HELZ: variants seen among roughly 807,000 people sequenced by gnomAD.
The protein encoded by HELZ is ATP-dependent RNA helicase with zinc finger domain.
A neutral mutation model predicts 218.2 loss-of-function variants in HELZ; 23 were observed. The observed-to-expected ratio is 0.11, with a 90% CI of 0.08 to 0.15. The LOEUF (loss-of-function observed/expected upper bound fraction) is 0.15, where lower values mean the gene tolerates loss of function less well. Ranked by LOEUF, HELZ falls within the 10% of genes least tolerant of loss-of-function variation. HELZ has a pLI of 1.00. For synonymous variants in HELZ, 814 were observed against 829.4 expected, an observed-to-expected ratio of 0.98 and a Z score of 0.32; for missense variants, 1,813 against 2,353.7, an observed-to-expected ratio of 0.77 and a Z score of 4.75.
Position 67,237,573 on chromosome 17 carries a change from T to TA in HELZ, c.-19+1859dup, listed in dbSNP as rs534289618. 4.6e-4 allele frequency among the ~76,000 whole-genome samples: 70 copies of TA among 152,238 alleles called. 2 individuals are homozygous for TA. The South Asian group carries it at 0.014, about 31-fold the overall frequency. On this transcript the variant is annotated intron_variant, in intron 3 of 32. Transcript: ENST00000358691. ...GCAAAATGTAGATAGATTTTTTTTTTAACTACAAAAAACACAAAGCTAAAA... is the reference window on the plus strand; with the variant it reads ...GCAAAATGTAGATAGATTTTTTTTTTAAACTACAAAAAACACAAAGCTAAAA...
At chr17:67,205,741 G>T (rs1598420492) in intron 5 of HELZ, among the ~76,000 whole-genome samples, 1 of 152,272 alleles carries the variant, frequency 6.6e-6, no homozygotes, top group East Asian at 1.9e-4. Context: ...TAGATCTTTG[G>T]TTTTGTATGA....
intron 21 of HELZ, among the ~76,000 whole-genome samples, chr17:67,144,413 T>C: frequency 6.6e-6 from 1 of 151,606 alleles, no homozygotes; most frequent in South Asian, 2.1e-4. Context: ...TAAAGTTACA[T>C]GTTTAATATT....
intron 32 of HELZ, 66 bp from the exon 33 acceptor site, chr17:67,078,652 C>T: frequency 8.6e-7 from 1 of 1,162,738 alleles, no homozygotes; most frequent in Admixed American, 2.7e-5. Flanking sequence ...GCCTCATTCA[C>T]TCAGTGTGTC....
chr17:67,200,147 T>C (rs966293916), intron 7 of HELZ, among the ~76,000 whole-genome samples: 3 of 152,178 alleles, frequency 2.0e-5, no homozygotes, highest in Non-Finnish European at 4.4e-5. Flanking sequence ...ATAAGCCAAT[T>C]AATCACTGTA....
At chr17:67,244,823 T>A in intron 1 of HELZ, 12 of 985,374 alleles carry the variant, frequency 1.2e-5, no homozygotes, top group Non-Finnish European at 1.4e-5. Flanking sequence ...CCCAGAGTGC[T>A]CTGGGCCGGA....
At chr17:67,245,239 C>A, upstream of HELZ, 1 of 983,066 alleles carries the variant, frequency 1.0e-6, no homozygotes, top group South Asian at 4.6e-5. Context: ...TGACTCCCCC[C>A]GGCCCCCGAC....
chr17:67,099,769 T>C (rs2036866124), intron 31 of HELZ, among the ~76,000 whole-genome samples: 1 of 152,220 alleles, frequency 6.6e-6, no homozygotes, highest in South Asian at 2.1e-4. Context: ...ACTTAATTAA[T>C]AAGGGCTCTA....
chr17:67,082,228 T>C (rs2036216132), intron 32 of HELZ, among the ~76,000 whole-genome samples: 1 of 152,232 alleles, frequency 6.6e-6, no homozygotes, highest in South Asian at 2.1e-4. Context: ...AATCATCAAA[T>C]AGAATGAACT....
At chr17:67,180,399 A>G (rs912616517) in intron 12 of HELZ, among the ~76,000 whole-genome samples, 1 of 152,080 alleles carries the variant, frequency 6.6e-6, no homozygotes, top group African/African-American at 2.4e-5. Context: ...TTTTTGCAAT[A>G]GCCTCACAAG....
At chr17:67,139,434 T>G (rs1325944329) in intron 21 of HELZ, among the ~76,000 whole-genome samples, 1 of 152,144 alleles carries the variant, frequency 6.6e-6, no homozygotes, top group African/African-American at 2.4e-5. Context: ...GGGAGACACC[T>G]CTGCTGCGCC....
intron 13 of HELZ, among the ~76,000 whole-genome samples, chr17:67,174,256 T>C (rs984273035): frequency 6.6e-6 from 1 of 151,932 alleles, no homozygotes; most frequent in Admixed American, 6.6e-5. Context: ...AAATGTATTT[T>C]ATCTAATCTT....
chr17:67,128,525 A>G lies in HELZ; in HGVS notation c.3387+126T>C, dbSNP rs751143693. On this transcript the variant is annotated intron_variant, in intron 24 of 32. Transcript: ENST00000358691. ...CACACTAAACAAGCTCCTTGCAGAA[A>G]CCGCTTGCCGCCAAATGTAACCTTC... The G allele has an allele frequency of 6.6e-5, 53 of 808,872 alleles. No individual in the cohort carries two copies. In the East Asian group the frequency reaches 1.3e-3, roughly 20 times the overall value. The allele number at this position is 808,872 out of a possible 1,614,324, so 50.1% of individuals were successfully genotyped here. A position where few individuals can be genotyped will look rare whatever the true frequency, so the allele number is the denominator to read the frequency against.
chr17:67,119,536 G>C (rs2037533055), intron 27 of HELZ, among the ~76,000 whole-genome samples: 1 of 152,120 alleles, frequency 6.6e-6, no homozygotes, highest in Non-Finnish European at 1.5e-5. Context: ...CTTGTATCTT[G>C]ATTTTGGTGG....
chr17:67,120,346 T>C, intron 27 of HELZ, 59 bp downstream of exon 27: 1 of 1,368,240 alleles, frequency 7.3e-7, no homozygotes, highest in Non-Finnish European at 1.0e-6. Flanking sequence ...ACTTTCTATG[T>C]GGCTAAAACT....
chr17:67,169,769 C>T (rs997019013), intron 13 of HELZ, among the ~76,000 whole-genome samples: 15 of 152,162 alleles, frequency 9.9e-5, no homozygotes, highest in Non-Finnish European at 2.2e-4. Flanking sequence ...AAATCAGATA[C>T]GGATAAGACT....
intron 7 of HELZ, 37 bp downstream of exon 7, chr17:67,201,092 C>A: frequency 6.9e-7 from 1 of 1,440,758 alleles, no homozygotes; most frequent in South Asian, 1.1e-5. Flanking sequence ...CAGATTGAGT[C>A]AAACTCTTCC....
chr17:67,238,255 G>A (rs561614742), intron 3 of HELZ, among the ~76,000 whole-genome samples: 16 of 148,298 alleles, frequency 1.1e-4, no homozygotes, highest in African/African-American at 4.0e-4. Context: ...CTAAGGTAAG[G>A]AGAATCGCTT....
chr17:67,180,970 T>C (rs984124878), intron 12 of HELZ, among the ~76,000 whole-genome samples: 7 of 148,786 alleles, frequency 4.7e-5, no homozygotes, highest in African/African-American at 1.7e-4. Flanking sequence ...GGAGAATCAC[T>C]TGAACCCAAG....
Position 67,161,027 on chromosome 17 carries a change from C to G in HELZ, c.1945G>C (p.Ala649Pro). Residue 649 changes from alanine to proline, a missense_variant, in exon 16 of 33, where the codon GCT becomes CCT. Transcript: ENST00000358691. The stretch of plus-strand genomic sequence containing the variant: ...AGTGGAGTGGTAATGGCCAGAACAG[C>G]CTCTTTCTGTTTTGCATTTAGTCGA... ...DPRLNAKQKE[A>P]VLAITTPLAI... is the part of the protein sequence containing the mutation. The G allele has an allele frequency of 6.2e-7, 1 of 1,612,960 alleles. No homozygotes were observed. Among genetic ancestry groups the G allele is most frequent in the Non-Finnish European group, 8.5e-7 (1 of 1,179,448 alleles).
Sources: gnomAD v4.1 joint callset for allele counts (sites outside exome capture counted in the v4.1 genomes callset) on GRCh38, gnomAD v4.1.1 for gene constraint, MANE v1.5 for transcripts, NCBI Gene and HGNC (gene_info 2026-07-23, HGNC 2026-07-21) for gene names.